LRRC7: variants seen among roughly 807,000 people sequenced by gnomAD.
LRRC7 encodes leucine-rich repeat-containing protein 7.
A neutral mutation model predicts 175.7 loss-of-function variants in LRRC7; 23 were observed. That is an observed-to-expected ratio of 0.13 (90% CI 0.09 to 0.19). The LOEUF is 0.19. Among genes scored for constraint, LRRC7 ranks in the 10% least tolerant of loss-of-function variants. The pLI, the probability that LRRC7 is intolerant of heterozygous loss-of-function variation, is 1.00. For missense variants in LRRC7, 1,354 were observed against 1,904.7 expected, an observed-to-expected ratio of 0.71 and a Z score of 5.38; for synonymous variants, 685 against 680.9, an observed-to-expected ratio of 1.01 and a Z score of -0.09.
chr1:69,594,307 G>T (rs1440661297), intron 1 of LRRC7, among the ~76,000 whole-genome samples: 1 of 152,132 alleles, frequency 6.6e-6, no homozygotes, highest in Non-Finnish European at 1.5e-5. Flanking sequence ...TAGCATGTTA[G>T]ATTATGAACG....
At chr1:69,816,522 T>C (rs571265122) in intron 4 of LRRC7, among the ~76,000 whole-genome samples, 3 of 152,274 alleles carry the variant, frequency 2.0e-5, no homozygotes, top group Admixed American at 6.5e-5. Flanking sequence ...ATTTCTTATC[T>C]CTATATTTTA....
chr1:69,985,069 C>A (rs1297329579), intron 9 of LRRC7, among the ~76,000 whole-genome samples: 1 of 152,218 alleles, frequency 6.6e-6, no homozygotes, highest in Admixed American at 6.5e-5. Flanking sequence ...AGGCCATTTG[C>A]AGCCCTTCCC....
chr1:69,830,011 T>C (rs1175733005), intron 5 of LRRC7, among the ~76,000 whole-genome samples: 5 of 151,818 alleles, frequency 3.3e-5, no homozygotes, highest in Admixed American at 2.0e-4. Flanking sequence ...TGAGAACCTA[T>C]GTCTTAAACT....
intron 7 of LRRC7, among the ~76,000 whole-genome samples, chr1:69,855,013 T>C (rs1021600871): frequency 3.3e-5 from 5 of 152,150 alleles, no homozygotes; most frequent in African/African-American, 9.7e-5. Flanking sequence ...ATGTATTATG[T>C]ATTTAGGCAT....
At chr1:69,977,554 A>G (rs1652952106) in intron 8 of LRRC7, among the ~76,000 whole-genome samples, 1 of 152,188 alleles carries the variant, frequency 6.6e-6, no homozygotes, top group East Asian at 1.9e-4. Context: ...ACTGTGTGGC[A>G]GTGACAATAC....
chr1:69,923,306 G>GA (rs1248154960), intron 7 of LRRC7, among the ~76,000 whole-genome samples: 6 of 152,188 alleles, frequency 3.9e-5, no homozygotes, highest in African/African-American at 1.4e-4. Flanking sequence ...ATAGCAGCAT[G>GA]ATTTATATTC....
chr1:69,802,889 T>C (rs1401145113), intron 4 of LRRC7, among the ~76,000 whole-genome samples: 1 of 151,426 alleles, frequency 6.6e-6, no homozygotes, highest in Non-Finnish European at 1.5e-5. Flanking sequence ...TTTTTCTATG[T>C]TTTCTTCTAA....
chr1:69,995,391 ATTCTT>A (rs1229537335), intron 11 of LRRC7, among the ~76,000 whole-genome samples: 3 of 150,780 alleles, frequency 2.0e-5, no homozygotes, highest in African/African-American at 7.3e-5. Context: ...AATCATATAA[ATTCTT>A]TTTTTTTTAA....
At chr1:69,914,761 T>C (rs1225409088) in intron 7 of LRRC7, among the ~76,000 whole-genome samples, 1 of 152,164 alleles carries the variant, frequency 6.6e-6, no homozygotes, top group Non-Finnish European at 1.5e-5. Context: ...AAGTCTGTTT[T>C]TGTAAATAAA....
intron 25 of LRRC7, among the ~76,000 whole-genome samples, chr1:70,103,548 C>G (rs912653730): frequency 6.6e-6 from 1 of 152,084 alleles, no homozygotes; most frequent in African/African-American, 2.4e-5. Flanking sequence ...ATGGATTCTC[C>G]CCCTGAAGAT....
chr1:69,577,591 T>A (rs1365435101), intron 1 of LRRC7, among the ~76,000 whole-genome samples: 1 of 152,202 alleles, frequency 6.6e-6, no homozygotes, highest in Non-Finnish European at 1.5e-5. Flanking sequence ...TTCAGCTTTC[T>A]ACATATGGCT....
In LRRC7 at chr1:69,815,593, C is replaced by T. The variant is rs372282025; in HGVS notation, c.422-10155C>T. ...AACAGCTAGGCTTGACACCAAAAAG[C>T]TCTTTCAATGACAGCCATTCACTTA... On this transcript the variant is annotated intron_variant, in intron 4 of 26. Coordinates refer to ENST00000651989, the MANE Select transcript of LRRC7 (RefSeq NM_001370785.2). 6.5e-4 allele frequency among the ~76,000 whole-genome samples: 99 copies of T among 152,324 alleles called. 2 individuals carry two copies. In the South Asian group the frequency reaches 0.012, roughly 18 times the overall value.
intron 11 of LRRC7, among the ~76,000 whole-genome samples, chr1:69,997,468 T>C (rs1196107653): frequency 1.1e-3 from 166 of 151,868 alleles, no homozygotes; most frequent in Non-Finnish European, 2.0e-3. Context: ...AGGGCATCCC[T>C]GTCTTGTGCC....
intron 2 of LRRC7, among the ~76,000 whole-genome samples, chr1:69,733,587 T>C (rs1349361984): frequency 6.6e-6 from 1 of 152,018 alleles, no homozygotes; most frequent in Non-Finnish European, 1.5e-5. Flanking sequence ...TAAAATAAAA[T>C]TGTTGTAAAT....
chr1:69,668,948 T>G (rs1658665673), intron 1 of LRRC7, among the ~76,000 whole-genome samples: 1 of 152,234 alleles, frequency 6.6e-6, no homozygotes, highest in African/African-American at 2.4e-5. Flanking sequence ...TGTCTTCTTT[T>G]GAGAAGTGTC....
intron 24 of LRRC7, among the ~76,000 whole-genome samples, chr1:70,077,760 G>T (rs1404288152): frequency 6.6e-6 from 1 of 152,108 alleles, no homozygotes; most frequent in Non-Finnish European, 1.5e-5. Flanking sequence ...GGATTACTAA[G>T]TTTTAAAGTT....
intron 26 of LRRC7, among the ~76,000 whole-genome samples, chr1:70,108,863 T>C (rs895644407): frequency 2.0e-5 from 3 of 152,176 alleles, no homozygotes; most frequent in African/African-American, 7.2e-5. Context: ...TCCAAGGAGA[T>C]CTTCTATCTC....
rs1212603313 is a variant in LRRC7 at position 70,133,436 on chromosome 1, G to C, written c.*11549G>C. ...GGTTTTCTCCATGTTGCCCAGGCTG[G>C]TCTTGAACACCTGGGCTCTATCGAT... On this transcript the variant is annotated 3_prime_UTR_variant, in exon 27 of 27. Transcript: ENST00000651989. Among the ~76,000 whole-genome samples the C allele has an allele frequency of 2.0e-5, 3 of 152,124 alleles. No homozygotes were observed. Among genetic ancestry groups the C allele is most frequent in the Non-Finnish European group, 2.9e-5 (2 of 68,018 alleles).
chr1:69,903,859 G>C (rs1434862128), intron 7 of LRRC7, among the ~76,000 whole-genome samples: 1 of 152,158 alleles, frequency 6.6e-6, no homozygotes, highest in Non-Finnish European at 1.5e-5. Flanking sequence ...ACTACCATCA[G>C]AGAATACTAT....
Sources: allele counts gnomAD v4.1 joint callset (sites outside exome capture counted in the v4.1 genomes callset), GRCh38; gene constraint gnomAD v4.1.1; transcripts MANE v1.5; gene names NCBI Gene and HGNC (gene_info 2026-07-23, HGNC 2026-07-21).